Variants in FAM161A observed in about 807,000 individuals in gnomAD.
FAM161A encodes protein FAM161A.
FAM161A carries 57 observed loss-of-function variants against 70.9 expected under a neutral mutation model. That is an observed-to-expected ratio of 0.80 (90% CI 0.65 to 1.00). The LOEUF is 1.00. FAM161A is among the 50% of genes least tolerant of loss of function. The probability of loss-of-function intolerance (pLI) is 0.00; values close to 1 mark genes in which losing one functional copy is unlikely to be tolerated. For missense variants in FAM161A, 880 were observed against 836.0 expected (o/e 1.05, Z -0.65); for synonymous variants, 299 against 295.7 (o/e 1.01, Z -0.12).
the FAM161A span, among the ~76,000 whole-genome samples, chr2:61,808,196 G>A: frequency 6.6e-6 from 1 of 152,176 alleles, no homozygotes; most frequent in Non-Finnish European, 1.5e-5. Context: ...AGTATTTTGA[G>A]GTTTCAGTTA....
chr2:61,827,031 G>A (rs960713988), intron 6 of FAM161A, 73 bp downstream of exon 6: 36 of 1,393,122 alleles, frequency 2.6e-5, no homozygotes, highest in Non-Finnish European at 3.6e-5. Flanking sequence ...AATATACATA[G>A]TATAAAATTG....
At chr2:61,850,799 C>A (rs1344745903) in intron 1 of FAM161A, among the ~76,000 whole-genome samples, 1 of 152,088 alleles carries the variant, frequency 6.6e-6, no homozygotes, top group Non-Finnish European at 1.5e-5. Context: ...ACAATAGGTT[C>A]TCTCCTATTT....
At position 61,840,450 on chromosome 2, in the gene FAM161A, T is replaced by G; in HGVS notation, c.554A>C (p.Tyr185Ser). The G allele has an allele frequency of 1.2e-6, 2 of 1,614,024 alleles. No individual in the cohort carries two copies. The highest frequency in any genetic ancestry group is 2.2e-5 in the South Asian group (2 of 91,084). ...GGTCATCATTCTGTTTTTCCTAGGA[T>G]ACTCTTTTTCTAGGTTGGGTAACTC... The part of the protein sequence containing the change: ...EEELPNLEKE[Y>S]PRKNRMMTYA... The change falls in exon 3 of 7, where the codon TAT (tyrosine) becomes TCT (serine). Residue 185 changes from tyrosine to serine, a missense_variant. Coordinates refer to ENST00000404929, the MANE Select transcript of FAM161A (RefSeq NM_001201543.2).
At chr2:61,815,716 A>C in the FAM161A span, among the ~76,000 whole-genome samples, 1 of 151,408 alleles carries the variant, frequency 6.6e-6, no homozygotes, top group Non-Finnish European at 1.5e-5. Context: ...ATGCCCAGAT[A>C]GTTTTTGTAT....
At chr2:61,845,843 C>A (rs755757422) in intron 1 of FAM161A, among the ~76,000 whole-genome samples, 1 of 151,920 alleles carries the variant, frequency 6.6e-6, no homozygotes, top group Admixed American at 6.6e-5. Flanking sequence ...AATCCCAGCA[C>A]TTTGGGAGGC....
At chr2:61,810,415 C>T in the FAM161A span, among the ~76,000 whole-genome samples, 1 of 150,668 alleles carries the variant, frequency 6.6e-6, no homozygotes, top group Admixed American at 6.6e-5. Context: ...ACCTCACTGG[C>T]CAATGGTTCC....
rs1448408606 is a variant in FAM161A, at chr2:61,825,180, T to G, written c.*1275A>C. The G allele has an allele frequency of 4.6e-6, 2 of 437,624 alleles. No homozygotes were observed. The highest frequency in any genetic ancestry group is 2.0e-5 in the African/African-American group (1 of 48,944). The allele number at this position is 437,624 out of a possible 1,614,324, so 27.1% of individuals were successfully genotyped here. A position where few individuals can be genotyped will look rare whatever the true frequency, so the allele number is the denominator to read the frequency against. ...AAAGAAAATGTCTTATGCTATATTA[T>G]CTTTATGATTGGCTTCAAATTTTAA... On this transcript the variant is annotated 3_prime_UTR_variant, in exon 7 of 7. Coordinates refer to ENST00000404929, the MANE Select transcript of FAM161A (RefSeq NM_001201543.2).
At chr2:61,843,378 C>T (rs968252665) in intron 1 of FAM161A, among the ~76,000 whole-genome samples, 11 of 152,134 alleles carry the variant, frequency 7.2e-5, no homozygotes, top group African/African-American at 2.4e-4. Context: ...CTACTCGCCT[C>T]GGCCTCTCAA....
chr2:61,829,557 A>G (rs1257527846), intron 5 of FAM161A, among the ~76,000 whole-genome samples: 1 of 152,206 alleles, frequency 6.6e-6, no homozygotes, highest in Non-Finnish European at 1.5e-5. Flanking sequence ...AGCTGAAAGG[A>G]AGGGCAAAAT....
chr2:61,816,121 G>A, the FAM161A span, among the ~76,000 whole-genome samples: 1 of 152,038 alleles, frequency 6.6e-6, no homozygotes, highest in Admixed American at 6.6e-5. Flanking sequence ...GGATCTTTGG[G>A]TGGCAGTGAG....
At chr2:61,804,768 G>GAGAAAGAAAGAAAGAA in the FAM161A span, among the ~76,000 whole-genome samples, 12,292 of 118,590 alleles carry the variant, frequency 0.1, 830 homozygotes, top group East Asian at 0.15. Context: ...GAAAAAGAAA[G>GAGAAAGAAAGAAAGAA]AGAAAGAAAG....
At chr2:61,817,598 A>G in the FAM161A span, among the ~76,000 whole-genome samples, 3 of 152,232 alleles carry the variant, frequency 2.0e-5, no homozygotes, top group African/African-American at 7.2e-5. Flanking sequence ...CAAGCCCAGC[A>G]TTGAGATACA....
chr2:61,812,451 G>C, the FAM161A span, among the ~76,000 whole-genome samples: 1 of 152,220 alleles, frequency 6.6e-6, no homozygotes, highest in Non-Finnish European at 1.5e-5. Flanking sequence ...TCCAGGCGTG[G>C]TGGCTCACGC....
In FAM161A at chr2:61,840,377, C is replaced by T; in HGVS notation, c.627G>A (p.Glu209=). Residue 209 remains glutamate, a synonymous_variant, in exon 3 of 7, where the codon GAG becomes GAA. Coordinates refer to ENST00000404929, the MANE Select transcript of FAM161A (RefSeq NM_001201543.2). ...INNMWTDFCV[E]DYIRCKDTGF... ...CAGTATCTTTACAGCGAATATAATC[C>T]TCAACACAAAAGTCTGTCCACATAT... The T allele has an allele frequency of 6.2e-7, 1 of 1,614,062 alleles. No individual in the cohort carries two copies. The highest frequency in any genetic ancestry group is 1.1e-5 in the South Asian group (1 of 91,080).
chr2:61,815,324 C>G, the FAM161A span, among the ~76,000 whole-genome samples: 7 of 152,004 alleles, frequency 4.6e-5, no homozygotes, highest in African/African-American at 1.4e-4. Flanking sequence ...AATGCCATGC[C>G]AGTATGCTGT....
chr2:61,819,354 C>T, the FAM161A span, among the ~76,000 whole-genome samples: 1 of 152,068 alleles, frequency 6.6e-6, no homozygotes, highest in Admixed American at 6.6e-5. Flanking sequence ...GTCCCAGCTA[C>T]TCAGGAGGCT....
chr2:61,839,647 CTG>C lies in FAM161A; in HGVS notation c.1355_1356del (p.Thr452SerfsTer3), dbSNP rs397704718. 5.6e-5 allele frequency: 91 copies of C among 1,614,056 alleles called. No homozygotes were observed. Among genetic ancestry groups the C allele is most frequent in the Admixed American group, 8.3e-5 (5 of 59,996 alleles). Reference protein sequence around the residue: ...LSEHKSPKLLTVCKPFDLHAS... With the variant: ...LSEHKSPKLLXVCKPFDLHAS... Reference sequence around the variant, plus strand: ...GCATGAAGATCAAATGGTTTACACACTGTTAAGAGTTTTGGAGACTTGTGTTC... The same window carrying C: ...GCATGAAGATCAAATGGTTTACACACTTAAGAGTTTTGGAGACTTGTGTTC... On this transcript the variant is annotated frameshift_variant, in exon 3 of 7. Transcript: ENST00000404929. LOFTEE classifies it high-confidence loss of function.
At chr2:61,842,693 C>G (rs1433373397) in intron 1 of FAM161A, among the ~76,000 whole-genome samples, 2 of 152,286 alleles carry the variant, frequency 1.3e-5, no homozygotes, top group East Asian at 3.9e-4. Context: ...CTATAAGGAG[C>G]CTCCTGAGTT....
At position 61,826,371 on chromosome 2, in the gene FAM161A, A is replaced by G. The variant is rs767730753; in HGVS notation, c.*84T>C. 2.0e-6 allele frequency: 3 copies of G among 1,479,700 alleles called. No individual in the cohort carries two copies. In the African/African-American group the frequency reaches 4.2e-5, roughly 20 times the overall value. The allele number at this position is 1,479,700 out of a possible 1,614,324, so 91.7% of individuals were successfully genotyped here. A position where few individuals can be genotyped will look rare whatever the true frequency, so the allele number is the denominator to read the frequency against. On this transcript the variant is annotated 3_prime_UTR_variant, in exon 7 of 7. Coordinates refer to ENST00000404929, the MANE Select transcript of FAM161A (RefSeq NM_001201543.2). ...CCCTGCACATATCAGAAGCGTCCCC[A>G]CAGATGTTCTAAACACAAATGCGGC...
Sources: allele counts gnomAD v4.1 joint callset (sites outside exome capture counted in the v4.1 genomes callset), GRCh38; gene constraint gnomAD v4.1.1; transcripts MANE v1.5; gene names NCBI Gene and HGNC (gene_info 2026-07-23, HGNC 2026-07-21).